The following CNTNAP5 variants were observed in gnomAD, a reference collection of about 807,000 sequenced individuals.
CNTNAP5 encodes contactin-associated protein-like 5.
A neutral mutation model predicts 150.2 loss-of-function variants in CNTNAP5; 72 were observed. The ratio of observed to expected loss-of-function variants is 0.48; its 90% CI spans 0.40 to 0.58. The LOEUF (loss-of-function observed/expected upper bound fraction) is 0.58. Ranked by LOEUF, CNTNAP5 falls within the 20% of genes least tolerant of loss-of-function variation. The pLI, the probability that CNTNAP5 is intolerant of heterozygous loss-of-function variation, is 0.00. For missense variants in CNTNAP5, 1,636 were observed against 1,626.2 expected, an observed-to-expected ratio of 1.01 and a Z score of -0.10; for synonymous variants, 672 against 619.8, an observed-to-expected ratio of 1.08 and a Z score of -1.25.
intron 12 of CNTNAP5, among the ~76,000 whole-genome samples, chr2:124,625,782 C>T (rs1305263752): frequency 3.9e-5 from 6 of 152,146 alleles, no homozygotes; most frequent in South Asian, 2.1e-4. Flanking sequence ...GCACTGCTTG[C>T]GTAATGTAAG....
rs978782001 is a variant in CNTNAP5 at position 124,171,556 on chromosome 2, G to A, written c.83-50149G>A. Reference sequence around the variant, plus strand: ...GGTCATCCTGCGAGCTGAAGTCCTTGGCGGCCACATTTTGCAAATTATTTC... The same window carrying A: ...GGTCATCCTGCGAGCTGAAGTCCTTAGCGGCCACATTTTGCAAATTATTTC... On this transcript the variant is annotated intron_variant, in intron 1 of 23. Coordinates refer to ENST00000682447, the MANE Select transcript of CNTNAP5 (RefSeq NM_001367498.1). 1.3e-5 allele frequency among the ~76,000 whole-genome samples: 2 copies of A among 152,164 alleles called. 1 individual carries two copies. The highest frequency in any genetic ancestry group is 4.1e-4 in the South Asian group (2 of 4,832).
At chr2:124,429,380 A>C (rs1252067839) in intron 4 of CNTNAP5, among the ~76,000 whole-genome samples, 1 of 152,258 alleles carries the variant, frequency 6.6e-6, no homozygotes, top group African/African-American at 2.4e-5. Context: ...AAGTGTTGAA[A>C]AAAATCAAGC....
At chr2:124,196,372 T>C (rs1685585457) in intron 1 of CNTNAP5, among the ~76,000 whole-genome samples, 1 of 152,160 alleles carries the variant, frequency 6.6e-6, no homozygotes, top group African/African-American at 2.4e-5. Context: ...AGCATGATAT[T>C]TACCTGGAAG....
At chr2:124,243,653 A>G (rs187444245) in intron 3 of CNTNAP5, among the ~76,000 whole-genome samples, 2 of 152,228 alleles carry the variant, frequency 1.3e-5, no homozygotes, top group East Asian at 1.9e-4. Flanking sequence ...ACCACAGCCT[A>G]CTTGAAGGGA....
intron 7 of CNTNAP5, among the ~76,000 whole-genome samples, chr2:124,476,806 CG>C (rs1473134260): frequency 6.6e-6 from 1 of 152,022 alleles, no homozygotes; most frequent in Non-Finnish European, 1.5e-5. Context: ...GGAGAGAAGT[CG>C]TTGTCTAACA....
chr2:124,117,903 G>A (rs1050755346), intron 1 of CNTNAP5, among the ~76,000 whole-genome samples: 1 of 152,088 alleles, frequency 6.6e-6, no homozygotes, highest in East Asian at 1.9e-4. Context: ...GGGTAACATG[G>A]CAAAATCCGG....
intron 13 of CNTNAP5, among the ~76,000 whole-genome samples, chr2:124,711,410 C>A (rs984241642): frequency 6.6e-6 from 1 of 152,152 alleles, no homozygotes; most frequent in Non-Finnish European, 1.5e-5. Context: ...CCTTTATATG[C>A]TACTTCCATA....
chr2:124,264,660 G>A (rs1687557771), intron 3 of CNTNAP5, among the ~76,000 whole-genome samples: 1 of 152,142 alleles, frequency 6.6e-6, no homozygotes, highest in Non-Finnish European at 1.5e-5. Context: ...GGGGTGGGAT[G>A]GAATGAGACC....
At chr2:124,476,555 C>T (rs975081896) in intron 7 of CNTNAP5, among the ~76,000 whole-genome samples, 7 of 152,162 alleles carry the variant, frequency 4.6e-5, no homozygotes, top group South Asian at 2.1e-4. Flanking sequence ...GGGGGTTCCT[C>T]ATGATAGCTC....
chr2:124,165,583 A>G (rs928027153), intron 1 of CNTNAP5, among the ~76,000 whole-genome samples: 15 of 152,182 alleles, frequency 9.9e-5, no homozygotes, highest in Non-Finnish European at 2.2e-4. Flanking sequence ...CATCACCAGC[A>G]GGACCTTTCT....
intron 3 of CNTNAP5, among the ~76,000 whole-genome samples, chr2:124,362,327 C>T (rs1690234680): frequency 6.6e-6 from 1 of 152,204 alleles, no homozygotes; most frequent in African/African-American, 2.4e-5. Context: ...ACCATCTTGG[C>T]TCCTCCCAGA....
intron 13 of CNTNAP5, among the ~76,000 whole-genome samples, chr2:124,683,232 C>A (rs11686120): frequency 0.26 from 40,145 of 152,004 alleles, 6,073 homozygotes; most frequent in Non-Finnish European, 0.34. Context: ...TCTTTTCAGA[C>A]TGCTTTGTTG....
chr2:124,197,037 A>C (rs531168066), intron 1 of CNTNAP5, among the ~76,000 whole-genome samples: 1 of 152,306 alleles, frequency 6.6e-6, no homozygotes, highest in East Asian at 1.9e-4. Context: ...TCTTTCATAT[A>C]CTTTCCTTCA....
chr2:124,360,264 T>C (rs1187494085), intron 3 of CNTNAP5, among the ~76,000 whole-genome samples: 2 of 151,532 alleles, frequency 1.3e-5, no homozygotes, highest in African/African-American at 2.4e-5. Context: ...CTTTATCCAA[T>C]TTGCCAGTCT....
chr2:124,393,623 T>C (rs1178497691), intron 3 of CNTNAP5, among the ~76,000 whole-genome samples: 3 of 152,226 alleles, frequency 2.0e-5, no homozygotes, highest in Non-Finnish European at 4.4e-5. Context: ...CTTCGTTGTA[T>C]GGATTCACTC....
At position 124,451,051 on chromosome 2, in the gene CNTNAP5, A is replaced by AAT. The variant is rs1553469335; in HGVS notation, c.918+4140_918+4141dup. Among the ~76,000 whole-genome samples the AAT allele has an allele frequency of 1.2e-3, 81 of 65,296 alleles. 1 individual carries two copies. The highest frequency in any genetic ancestry group is 3.0e-3 in the African/African-American group (41 of 13,856). 42.8% of individuals were successfully genotyped at this position (65,296 alleles called of 152,430 possible). On this transcript the variant is annotated intron_variant, in intron 6 of 23. Coordinates refer to ENST00000682447, the MANE Select transcript of CNTNAP5 (RefSeq NM_001367498.1). The stretch of plus-strand genomic sequence containing the variant: ...TCTTAAAAAAAAAAAAAAAAAAAAA[A>AAT]ATATATATATATATATATATATATA...
In CNTNAP5 at chr2:124,514,797, C is replaced by T. The variant is rs557576034; in HGVS notation, c.1328-9506C>T. ...CTCTAATAAGAGAAGAGAAATAGAA[C>T]GAGAACCAGAGGTGTAAGACTATGG... On this transcript the variant is annotated intron_variant, in intron 8 of 23. Coordinates refer to ENST00000682447, the MANE Select transcript of CNTNAP5 (RefSeq NM_001367498.1). Among the ~76,000 whole-genome samples, 44 of 152,224 alleles carry T rather than the reference C, an allele frequency of 2.9e-4. 2 individuals carry two copies. Among genetic ancestry groups the T allele is most frequent in the African/African-American group, 1.0e-3 (42 of 41,534 alleles).
At chr2:124,400,369 T>G (rs1691375099) in intron 3 of CNTNAP5, among the ~76,000 whole-genome samples, 1 of 152,094 alleles carries the variant, frequency 6.6e-6, no homozygotes, top group Non-Finnish European at 1.5e-5. Context: ...AAAAAAGATT[T>G]GTCAAGATCA....
chr2:124,891,513 T>G (rs1326037480), intron 21 of CNTNAP5, among the ~76,000 whole-genome samples: 2 of 152,262 alleles, frequency 1.3e-5, no homozygotes, highest in South Asian at 2.1e-4. Flanking sequence ...AGGCACTATA[T>G]TCATCCCCAT....
Sources: allele counts gnomAD v4.1 joint callset (sites outside exome capture counted in the v4.1 genomes callset), GRCh38; gene constraint gnomAD v4.1.1; transcripts MANE v1.5; gene names NCBI Gene and HGNC (gene_info 2026-07-23, HGNC 2026-07-21).